The following PCDHGB1 variants were observed in gnomAD, a reference collection of about 807,000 sequenced individuals.
PCDHGB1 encodes the protein protocadherin gamma-B1.
A neutral mutation model predicts 56.6 loss-of-function variants in PCDHGB1; 34 were observed. That is an observed-to-expected ratio of 0.60 (90% CI 0.46 to 0.80). The LOEUF (loss-of-function observed/expected upper bound fraction) is 0.80, where lower values mean the gene tolerates loss of function less well. Ranked by LOEUF, PCDHGB1 falls within the 30% of genes least tolerant of loss-of-function variation. The pLI is 0.00. For missense variants in PCDHGB1, 1,278 were observed against 1,204.6 expected, an observed-to-expected ratio of 1.06 and a Z score of -0.90; for synonymous variants, 561 against 505.9, an observed-to-expected ratio of 1.11 and a Z score of -1.46.
At position 141,494,730 on chromosome 5, in the gene PCDHGB1, G is replaced by A. The variant is rs1595262506; in HGVS notation, c.2410-77G>A. 18 of 1,609,816 alleles carry A rather than the reference G, an allele frequency of 1.1e-5. No individual in the cohort carries two copies. In the East Asian group the frequency reaches 4.0e-4, roughly 36 times the overall value. On this transcript the variant is annotated intron_variant, in intron 1 of 3. Coordinates refer to ENST00000523390, the MANE Select transcript of PCDHGB1 (RefSeq NM_018922.3). ...GTGCCCACTCCCCTCCTTCTCTCCC[G>A]GCCCATCCCTAGGGGCTCGGGTGAC...
In PCDHGB1 at chr5:141,490,935, G is replaced by A. The variant is rs1371144225; in HGVS notation, c.2410-3872G>A. On this transcript the variant is annotated intron_variant, in intron 1 of 3. Transcript: ENST00000523390. The surrounding 1 kb of genome is among the most constrained non-coding windows in gnomAD (Gnocchi z 5.4). ...AGAATGATAATGCCCCAGCTGTGCTGCACCCACGGCCAGACTGGGAACACT... is the reference window on the plus strand; with the variant it reads ...AGAATGATAATGCCCCAGCTGTGCTACACCCACGGCCAGACTGGGAACACT... 1.9e-6 allele frequency: 3 copies of A among 1,613,638 alleles called. No homozygotes were observed. The highest frequency in any genetic ancestry group is 2.2e-5 in the South Asian group (2 of 91,032).
chr5:141,500,184 T>TTTTTTTTATTTA (rs1554186429), intron 2 of PCDHGB1, among the ~76,000 whole-genome samples: 16 of 135,886 alleles, frequency 1.2e-4, no homozygotes, highest in African/African-American at 4.3e-4. Context: ...TCATTTTTAT[T>TTTTTTTTATTTA]TTTATTTATT....
chr5:141,389,767 G>A (rs2091900481), intron 1 of PCDHGB1: 1 of 1,613,028 alleles, frequency 6.2e-7, no homozygotes, highest in Non-Finnish European at 8.5e-7. Flanking sequence ...CGCACAGCGC[G>A]TGCCTTAGGC....
At chr5:141,393,197 T>C (rs1470064881) in intron 1 of PCDHGB1, 1 of 1,613,448 alleles carries the variant, frequency 6.2e-7, no homozygotes, top group South Asian at 1.1e-5. Context: ...ATATTAACGA[T>C]AATAACCCAA....
In PCDHGB1 at chr5:141,388,603, C is replaced by T. The variant is rs558931275; in HGVS notation, c.2409+35934C>T. The T allele has an allele frequency of 6.9e-5, 111 of 1,613,860 alleles. 1 individual carries two copies. The South Asian group carries it at 1.2e-3, about 18-fold the overall frequency. ...GTGACTGATGCCAATGATAATGCTCCAGTGTTCAGTCAAGACGTATACAGG... is the reference window on the plus strand; with the variant it reads ...GTGACTGATGCCAATGATAATGCTCTAGTGTTCAGTCAAGACGTATACAGG... On this transcript the variant is annotated intron_variant, in intron 1 of 3. Transcript: ENST00000523390.
chr5:141,507,661 C>T (rs1328943034), intron 3 of PCDHGB1, among the ~76,000 whole-genome samples: 1 of 152,236 alleles, frequency 6.6e-6, no homozygotes, highest in Non-Finnish European at 1.5e-5. Context: ...GCTTTTTAGC[C>T]TAAATCCAGA....
intron 1 of PCDHGB1, chr5:141,405,386 T>C (rs2094651618): frequency 6.9e-6 from 11 of 1,595,500 alleles, no homozygotes; most frequent in Non-Finnish European, 7.7e-6. Flanking sequence ...GGTGAGTTCA[T>C]TTTTTTTCTT....
chr5:141,507,263 T>C (rs755395344), intron 3 of PCDHGB1: 1 of 152,038 alleles, frequency 6.6e-6, no homozygotes, highest in Non-Finnish European at 1.5e-5. Flanking sequence ...AAACAGCAAG[T>C]ACTATTTCAG....
chr5:141,388,657 G>C (rs769160604), intron 1 of PCDHGB1: 2 of 1,613,878 alleles, frequency 1.2e-6, no homozygotes, highest in African/African-American at 1.3e-5. Flanking sequence ...GTGTACCCGG[G>C]GACCACGGTG....
At chr5:141,421,388 G>T in intron 1 of PCDHGB1, 17 of 1,614,052 alleles carry the variant, frequency 1.1e-5, no homozygotes, top group Non-Finnish European at 1.4e-5. Flanking sequence ...AAGGACCTGG[G>T]GCTGGAGCCC....
chr5:141,362,072 T>G (rs754972380), intron 1 of PCDHGB1: 1 of 1,612,748 alleles, frequency 6.2e-7, no homozygotes, highest in Non-Finnish European at 8.5e-7. Flanking sequence ...CTGGTCGCTG[T>G]GCGTGATGGA....
chr5:141,498,805 C>T (rs1397026274), intron 2 of PCDHGB1, among the ~76,000 whole-genome samples: 1 of 152,000 alleles, frequency 6.6e-6, no homozygotes, highest in Non-Finnish European at 1.5e-5. Flanking sequence ...TGGTGGTGCA[C>T]ACCTGTAGTC....
chr5:141,400,571 C>T (rs781701893), intron 1 of PCDHGB1: 1 of 1,612,704 alleles, frequency 6.2e-7, no homozygotes, highest in South Asian at 1.1e-5. Context: ...ACCCAATTTT[C>T]TGTATTTACA....
At chr5:141,464,228 G>A (rs1196103285) in intron 1 of PCDHGB1, among the ~76,000 whole-genome samples, 1 of 148,156 alleles carries the variant, frequency 6.7e-6, no homozygotes, top group African/African-American at 2.5e-5. Context: ...TTGCGCCACT[G>A]CACTCCAGCC....
chr5:141,370,785 C>T, intron 1 of PCDHGB1: 1 of 1,614,018 alleles, frequency 6.2e-7, no homozygotes, highest in Non-Finnish European at 8.5e-7. Flanking sequence ...CGACAACCCA[C>T]CGACCTTTAG....
At chr5:141,429,378 T>TTTG (rs2097208019) in intron 1 of PCDHGB1, among the ~76,000 whole-genome samples, 1 of 105,336 alleles carries the variant, frequency 9.5e-6, no homozygotes, top group African/African-American at 5.2e-5. Flanking sequence ...AGAAAATGTG[T>TTTG]TTTTTTTTTA....
intron 1 of PCDHGB1, among the ~76,000 whole-genome samples, chr5:141,454,596 G>C (rs1184158084): frequency 1.3e-5 from 2 of 151,324 alleles, no homozygotes; most frequent in Non-Finnish European, 2.9e-5. Flanking sequence ...AGTAGAGACA[G>C]GGTTTCTCCA....
At chr5:141,436,327 C>T (rs1384222077) in intron 1 of PCDHGB1, among the ~76,000 whole-genome samples, 1 of 152,098 alleles carries the variant, frequency 6.6e-6, no homozygotes, top group Admixed American at 6.5e-5. Flanking sequence ...ACTGTTAGAC[C>T]ATATCTCAAA....
At chr5:141,399,798 G>T (rs2093890900) in intron 1 of PCDHGB1, 2 of 1,613,118 alleles carry the variant, frequency 1.2e-6, no homozygotes, top group Non-Finnish European at 1.7e-6. Context: ...ACGCACCGCG[G>T]GTGCTGTACC....
Sources: allele counts gnomAD v4.1 joint callset (sites outside exome capture counted in the v4.1 genomes callset), GRCh38; gene constraint gnomAD v4.1.1; non-coding constraint Gnocchi (gnomAD v3.1); transcripts MANE v1.5; gene names NCBI Gene and HGNC (gene_info 2026-07-23, HGNC 2026-07-21).